Variants in JARID2 observed in about 807,000 individuals in gnomAD.
JARID2 encodes jumonji and AT-rich interaction domain containing 2, also known as protein Jumonji.
JARID2 carries 21 observed loss-of-function variants against 125.6 expected under a neutral mutation model. The ratio of observed to expected loss-of-function variants is 0.17; its 90% CI spans 0.12 to 0.24. The LOEUF (loss-of-function observed/expected upper bound fraction) is 0.24, where lower values mean the gene tolerates loss of function less well. Among genes scored for constraint, JARID2 ranks in the 10% least tolerant of loss-of-function variants. JARID2 has a pLI of 1.00. For missense variants in JARID2, 1,303 were observed against 1,639.6 expected (o/e 0.79, Z 3.55); for synonymous variants, 736 against 661.6 (o/e 1.11, Z -1.73).
chr6:15,285,689 A>G (rs1280630123), intron 1 of JARID2, among the ~76,000 whole-genome samples: 4 of 152,186 alleles, frequency 2.6e-5, no homozygotes, highest in South Asian at 2.1e-4. Flanking sequence ...ATGTTCCCCA[A>G]TAAACGAGGT....
intron 4 of JARID2, among the ~76,000 whole-genome samples, chr6:15,462,800 C>CA (rs1768515459): frequency 6.6e-6 from 1 of 152,140 alleles, no homozygotes; most frequent in African/African-American, 2.4e-5. Context: ...AGATAATGGG[C>CA]AGGAGGGCTT....
In JARID2 at chr6:15,487,397, G is replaced by A; in HGVS notation, c.761G>A (p.Ser254Asn). ...GCCACTCCCGCAAAGGAGAAGCACA[G>A]CGATCACCGGGCTGACAGCCGCCGG... ...KEATPAKEKH[S>N]DHRADSRREQ... The change falls in exon 6 of 18, where the codon AGC (serine) becomes AAC (asparagine). Residue 254 changes from serine to asparagine, a missense_variant. This residue lies in a region of JARID2 where 651 missense variants were observed against 581.6 expected (regional missense o/e 1.12). Coordinates refer to ENST00000341776, the MANE Select transcript of JARID2 (RefSeq NM_004973.4). 1 of 1,614,256 alleles carries A rather than the reference G, an allele frequency of 6.2e-7. No individual in the cohort carries two copies. The highest frequency in any genetic ancestry group is 8.5e-7 in the Non-Finnish European group (1 of 1,180,052).
At chr6:15,445,661 C>G (rs1767642671) in intron 3 of JARID2, among the ~76,000 whole-genome samples, 1 of 152,084 alleles carries the variant, frequency 6.6e-6, no homozygotes, top group Non-Finnish European at 1.5e-5. Context: ...CCTCTTGGGC[C>G]CAGCGACTGT....
intron 5 of JARID2, among the ~76,000 whole-genome samples, chr6:15,483,333 G>T (rs938331935): frequency 6.6e-6 from 1 of 151,626 alleles, no homozygotes; most frequent in Non-Finnish European, 1.5e-5. Flanking sequence ...CCATGATTCA[G>T]TCATACTCAC....
chr6:15,403,846 C>G (rs1309061715), intron 2 of JARID2, among the ~76,000 whole-genome samples: 1 of 152,102 alleles, frequency 6.6e-6, no homozygotes, highest in Non-Finnish European at 1.5e-5. Flanking sequence ...ATGTCCCCCG[C>G]GTCCACCTAT....
chr6:15,276,418 A>G (rs571913862), intron 1 of JARID2, among the ~76,000 whole-genome samples: 111 of 152,348 alleles, frequency 7.3e-4, no homozygotes, highest in Non-Finnish European at 9.6e-4. Flanking sequence ...TTATACATAT[A>G]TAACTGTCTC....
Position 15,381,089 on chromosome 6 carries a change from C to T in JARID2, c.181+6837C>T, listed in dbSNP as rs535124580. Among the ~76,000 whole-genome samples the T allele has an allele frequency of 4.9e-4, 74 of 151,534 alleles. 1 individual carries two copies. The highest frequency in any genetic ancestry group is 6.6e-4 in the Admixed American group (10 of 15,228). On this transcript the variant is annotated intron_variant, in intron 2 of 17. Transcript: ENST00000341776. ...GGCTTATGGGCCGGGCGCGGTGGCT[C>T]ACACCTGTAATCCCAGCACTTTGGG...
intron 5 of JARID2, among the ~76,000 whole-genome samples, chr6:15,469,781 A>T (rs1483414365): frequency 6.6e-6 from 1 of 152,140 alleles, no homozygotes; most frequent in Non-Finnish European, 1.5e-5. Context: ...TCCAGTAGAC[A>T]TTGGAAGATG....
chr6:15,365,734 T>C (rs990017513), intron 1 of JARID2, among the ~76,000 whole-genome samples: 6 of 152,084 alleles, frequency 3.9e-5, no homozygotes, highest in African/African-American at 1.4e-4. Context: ...TACCCTAACC[T>C]GGGAAGCATG....
Position 15,520,928 on chromosome 6 carries a change from C to G in JARID2, c.*677C>G. 2.3e-6 allele frequency: 1 copy of G among 426,192 alleles called. No individual in the cohort carries two copies. Among genetic ancestry groups the G allele is most frequent in the Non-Finnish European group, 4.8e-6 (1 of 207,230 alleles). The allele number at this position is 426,192 out of a possible 1,614,324, so 26.4% of individuals were successfully genotyped here. A position where few individuals can be genotyped will look rare whatever the true frequency, so the allele number is the denominator to read the frequency against. ...TGTTCCAGGAAAGAAGAAAAGCGAG[C>G]GAGGAAGACGGAAAAGACTGCCTGC... On this transcript the variant is annotated 3_prime_UTR_variant, in exon 18 of 18. Transcript: ENST00000341776.
intron 7 of JARID2, among the ~76,000 whole-genome samples, chr6:15,498,530 C>T (rs1770574865): frequency 6.6e-6 from 1 of 152,160 alleles, no homozygotes; most frequent in South Asian, 2.1e-4. Context: ...GTTGCAACCC[C>T]ATCAGTCTAG....
intron 2 of JARID2, among the ~76,000 whole-genome samples, chr6:15,390,898 C>T (rs1279857129): frequency 6.6e-6 from 1 of 152,172 alleles, no homozygotes; most frequent in Non-Finnish European, 1.5e-5. Context: ...AAACTTGATA[C>T]CACCATCTGT....
At chr6:15,464,312 G>GC (rs1275414996) in intron 4 of JARID2, among the ~76,000 whole-genome samples, 1 of 152,198 alleles carries the variant, frequency 6.6e-6, no homozygotes, top group Non-Finnish European at 1.5e-5. Context: ...TGGTGACAGA[G>GC]CAATGGCATG....
chr6:15,419,541 A>G (rs911842442), intron 3 of JARID2, among the ~76,000 whole-genome samples: 1 of 152,138 alleles, frequency 6.6e-6, no homozygotes. Context: ...CAGCTTTTGT[A>G]TGTCTGGGAA....
intron 1 of JARID2, among the ~76,000 whole-genome samples, chr6:15,283,223 C>G (rs1760840855): frequency 6.6e-6 from 1 of 150,804 alleles, no homozygotes; most frequent in Admixed American, 6.6e-5. Context: ...TGTGATCTGC[C>G]CACCTTGGCC....
At chr6:15,290,032 C>T (rs1293246571) in intron 1 of JARID2, among the ~76,000 whole-genome samples, 2 of 152,140 alleles carry the variant, frequency 1.3e-5, no homozygotes, top group African/African-American at 2.4e-5. Context: ...CAGTCAAATG[C>T]ACCCATTTCA....
At position 15,496,654 on chromosome 6, in the gene JARID2, G is replaced by C. The variant is rs759363568; in HGVS notation, c.1429G>C (p.Glu477Gln). The change falls in exon 7 of 18, where the codon GAG becomes CAG. Residue 477 changes from glutamate to glutamine, a missense_variant. Physicochemically the swap from Glu to Gln is conservative, Grantham distance 29 (BLOSUM62 2). This residue lies in a region of JARID2 where 651 missense variants were observed against 581.6 expected (regional missense o/e 1.12). Transcript: ENST00000341776. ...AEGPGKKAPA[E>Q]RGLLNGHVKK... The stretch of plus-strand genomic sequence containing the variant: ...AGGCCCTGGCAAGAAGGCCCCGGCC[G>C]AGAGAGGTCTGCTGAACGGACACGT... The C allele has an allele frequency of 2.5e-6, 4 of 1,612,424 alleles. No individual in the cohort carries two copies. The South Asian group carries it at 4.4e-5, about 18-fold the overall frequency.
chr6:15,384,896 C>T (rs1764727273), intron 2 of JARID2, among the ~76,000 whole-genome samples: 1 of 152,174 alleles, frequency 6.6e-6, no homozygotes, highest in African/African-American at 2.4e-5. Flanking sequence ...TTGAAACTCA[C>T]AGTACCTTTT....
At chr6:15,359,567 T>TTATTTGC (rs1392228012) in intron 1 of JARID2, among the ~76,000 whole-genome samples, 143 of 152,270 alleles carry the variant, frequency 9.4e-4, no homozygotes, top group African/African-American at 3.2e-3. Flanking sequence ...CTCATTTTTC[T>TTATTTGC]TATTTGCATT....
Sources: gnomAD v4.1 joint callset for allele counts (sites outside exome capture counted in the v4.1 genomes callset) on GRCh38, gnomAD v4.1.1 for gene constraint, gnomAD v4.1.1 regional missense constraint, MANE v1.5 for transcripts, NCBI Gene and HGNC (gene_info 2026-07-23, HGNC 2026-07-21) for gene names.